The following WIZ variants were observed in gnomAD, a reference collection of about 807,000 sequenced individuals.
WIZ encodes WIZ zinc finger.
A neutral mutation model predicts 140.2 loss-of-function variants in WIZ; 25 were observed. That is an observed-to-expected ratio of 0.18 (90% CI 0.13 to 0.25). The LOEUF (loss-of-function observed/expected upper bound fraction) is 0.25. WIZ is among the 10% of genes least tolerant of loss of function. The pLI is 1.00. For missense variants in WIZ, 2,231 were observed against 2,632.6 expected, an observed-to-expected ratio of 0.85 and a Z score of 3.34; for synonymous variants, 1,125 against 1,154.3, an observed-to-expected ratio of 0.97 and a Z score of 0.51.
intron 1 of WIZ, among the ~76,000 whole-genome samples, chr19:15,449,308 TC>T (rs938921710): frequency 4.0e-5 from 6 of 151,442 alleles, no homozygotes; most frequent in African/African-American, 1.5e-4. Flanking sequence ...GCCTGGGGAT[TC>T]CCAGGGGGCT....
intron 2 of WIZ, among the ~76,000 whole-genome samples, chr19:15,443,404 G>A (rs1047522564): frequency 1.3e-5 from 2 of 152,098 alleles, no homozygotes; most frequent in East Asian, 3.9e-4. Context: ...CACCTACAAG[G>A]CCCTATGAGG....
At chr19:15,437,833 G>T (rs991107507) in intron 4 of WIZ, among the ~76,000 whole-genome samples, 1 of 152,066 alleles carries the variant, frequency 6.6e-6, no homozygotes, top group Non-Finnish European at 1.5e-5. Context: ...CCCTCTGCTG[G>T]GAGCCTTCTC....
intron 12 of WIZ, among the ~76,000 whole-genome samples, chr19:15,423,584 C>G (rs979251621): frequency 6.6e-6 from 1 of 152,066 alleles, no homozygotes; most frequent in South Asian, 2.1e-4. Flanking sequence ...CCAAGCCCCC[C>G]ACCTCCTCCT....
Position 15,427,100 on chromosome 19 carries a change from A to C in WIZ, c.4248T>G (p.Pro1416=). 1 of 1,614,184 alleles carries C rather than the reference A, an allele frequency of 6.2e-7. No individual in the cohort carries two copies. Among genetic ancestry groups the C allele is most frequent in the Non-Finnish European group, 8.5e-7 (1 of 1,180,024 alleles). The change falls in exon 9 of 13, where the codon CCT becomes CCG. Residue 1416 remains proline (P), a synonymous_variant. Transcript: ENST00000673675. This position sits in a 1 kb window ranked among gnomAD's most constrained non-coding sequence, Gnocchi z 6.4. The part of the protein sequence containing the change: ...AAPSLPKKLK[P]EQIRVEIKRE... Reference sequence around the variant, plus strand: ...GCTTGATCTCCACCCGTATTTGTTCAGGCTTCAGCTTCTTGGGCAAGGAGG... The same window carrying C: ...GCTTGATCTCCACCCGTATTTGTTCCGGCTTCAGCTTCTTGGGCAAGGAGG...
chr19:15,448,775 C>T (rs958686905), intron 1 of WIZ, among the ~76,000 whole-genome samples: 1 of 152,134 alleles, frequency 6.6e-6, no homozygotes. Context: ...TTCGTTTCCT[C>T]GGCAAGAATC....
Position 15,429,644 on chromosome 19 carries a change from C to T in WIZ, c.3357G>A (p.Arg1119=). The T allele has an allele frequency of 7.0e-7, 1 of 1,419,552 alleles. No homozygotes were observed. The highest frequency in any genetic ancestry group is 1.5e-5 in the South Asian group (1 of 64,792). 87.9% of individuals were successfully genotyped at this position (1,419,552 alleles called of 1,614,324 possible). The stretch of plus-strand genomic sequence containing the variant: ...GCCACTGTGCCTTTGGGGAGGCCGG[C>T]CGGGGGCTCAGGGACAGCTGGGGGC... ...DKSPQLSLSP[R]PASPKAQWPQ... The change falls in exon 7 of 13, where the codon CGG becomes CGA. Residue 1119 remains arginine, a synonymous_variant. Transcript: ENST00000673675.
At chr19:15,449,482 G>C (rs1425483589) in intron 1 of WIZ, 2 of 152,404 alleles carry the variant, frequency 1.3e-5, no homozygotes, top group African/African-American at 4.8e-5. Flanking sequence ...CGCCCCCCAG[G>C]GGTCGCAGAG....
At chr19:15,444,322 A>G (rs1969844494) in intron 2 of WIZ, among the ~76,000 whole-genome samples, 1 of 152,082 alleles carries the variant, frequency 6.6e-6, no homozygotes, top group African/African-American at 2.4e-5. Flanking sequence ...GAACCCAAGA[A>G]AAGGGTTGTG....
rs779118906 is a variant in WIZ, at chr19:15,425,563, C to G, written c.4572G>C (p.Pro1524=). 1 of 1,613,032 alleles carries G rather than the reference C, an allele frequency of 6.2e-7. No homozygotes were observed. The highest frequency in any genetic ancestry group is 8.5e-7 in the Non-Finnish European group (1 of 1,179,658). The change falls in exon 10 of 13, where the codon CCG becomes CCC. Residue 1524 remains proline, a synonymous_variant. Transcript: ENST00000673675. ...CCAGGGCAGGGGCCAGGTCTCCAGC[C>G]GGTGGCTCCTTCTTGATGAGGCACG... ...SKPCLIKKEP[P]AGDLAPALAE... is the part of the protein sequence containing the mutation.
At chr19:15,429,155 TTGA>T (rs1351198769) in intron 7 of WIZ, among the ~76,000 whole-genome samples, 1 of 152,114 alleles carries the variant, frequency 6.6e-6, no homozygotes, top group Non-Finnish European at 1.5e-5. Flanking sequence ...CCAGGAAGAC[TTGA>T]TGACAGGACC....
rs114874784 is a variant in WIZ, at chr19:15,426,649, G to C, written c.4366+333C>G. Among the ~76,000 whole-genome samples, 188 of 152,334 alleles carry C rather than the reference G, an allele frequency of 1.2e-3. 1 individual carries two copies. Among genetic ancestry groups the C allele is most frequent in the African/African-American group, 4.4e-3 (181 of 41,572 alleles). On this transcript the variant is annotated intron_variant, in intron 9 of 12. Transcript: ENST00000673675. ...GTTCACTGCCAGTCCCTACGCTCCTGCTGTAGCAGACATCACTAATGGATC... is the reference window on the plus strand; with the variant it reads ...GTTCACTGCCAGTCCCTACGCTCCTCCTGTAGCAGACATCACTAATGGATC...
At chr19:15,446,665 C>G (rs554099865) in intron 2 of WIZ, among the ~76,000 whole-genome samples, 1 of 152,194 alleles carries the variant, frequency 6.6e-6, no homozygotes, top group Admixed American at 6.5e-5. Flanking sequence ...CTCATCCTAC[C>G]TCTCACTTCC....
At chr19:15,448,480 C>T in intron 1 of WIZ, 113 bp from the exon 2 acceptor site, 1 of 790,236 alleles carries the variant, frequency 1.3e-6, no homozygotes, top group South Asian at 1.6e-5. Context: ...CTCAGTTTAC[C>T]TCCCAGCCCA....
At chr19:15,438,171 G>T (rs1480038147) in intron 4 of WIZ, among the ~76,000 whole-genome samples, 1 of 152,216 alleles carries the variant, frequency 6.6e-6, no homozygotes, top group East Asian at 1.9e-4. Context: ...GCCCCAGGGG[G>T]TTCTGAAGCT....
chr19:15,424,447 A>G lies in WIZ; in HGVS notation c.5315-69T>C, dbSNP rs1968585162. 6.4e-7 allele frequency: 1 copy of G among 1,557,302 alleles called. No homozygotes were observed. Among genetic ancestry groups the G allele is most frequent in the Non-Finnish European group, 8.7e-7 (1 of 1,151,072 alleles). ...GCTGCAGAGACTTGGAATACACAAG[A>G]GCTGAGGACTGATGCTACCTGGATG... On this transcript the variant is annotated intron_variant, in intron 11 of 12. Coordinates refer to ENST00000673675, the MANE Select transcript of WIZ (RefSeq NM_001371589.1). The surrounding 1 kb of genome is among the most constrained non-coding windows in gnomAD (Gnocchi z 9.7).
At position 15,440,577 on chromosome 19, in the gene WIZ, A is replaced by G. The variant is rs1568312187; in HGVS notation, c.417T>C (p.Ser139=). Residue 139 remains serine (S), a synonymous_variant, in exon 4 of 13, where the codon TCT becomes TCC. Transcript: ENST00000673675. This position sits in a 1 kb window ranked among gnomAD's most constrained non-coding sequence, Gnocchi z 6.2. ...LVQEAGEGIL[S]ERRFEDSVIV... ...TGACTGAGTCCTCGAATCTCCGCTC[A>G]GATAGGATGCCCTCCCCAGCCTCCT... 6.5e-7 allele frequency: 1 copy of G among 1,536,160 alleles called. No individual in the cohort carries two copies. The highest frequency in any genetic ancestry group is 8.7e-7 in the Non-Finnish European group (1 of 1,146,886).
Position 15,440,406 on chromosome 19 carries a change from G to C in WIZ, c.588C>G (p.Pro196=), listed in dbSNP as rs796888193. Residue 196 remains proline, a synonymous_variant, in exon 4 of 13, where the codon CCC becomes CCG. Transcript: ENST00000673675. This position sits in a 1 kb window ranked among gnomAD's most constrained non-coding sequence, Gnocchi z 6.2. ...GGTCCAAGTGCAGCCCTGCGTCCTG[G>C]GGGGATCCCTGCTCGTCCTCATCTT... ...WLQDEDEQGS[P]QDAGLHLDLP... 56 of 1,535,794 alleles carry C rather than the reference G, an allele frequency of 3.6e-5. No individual in the cohort carries two copies. In the African/African-American group the frequency reaches 7.0e-4, roughly 19 times the overall value.
Position 15,428,589 on chromosome 19 carries a change from G to C in WIZ, c.3416-81C>G. ...GGCCTGAGGTAGGAGGGTCTGGTGT[G>C]ATTTTTGGCTGCTCAGGCAGTTGGG... On this transcript the variant is annotated intron_variant, in intron 7 of 12. Coordinates refer to ENST00000673675, the MANE Select transcript of WIZ (RefSeq NM_001371589.1). This position sits in a 1 kb window ranked among gnomAD's most constrained non-coding sequence, Gnocchi z 6.4. 6.6e-7 allele frequency: 1 copy of C among 1,516,056 alleles called. No homozygotes were observed. The allele number at this position is 1,516,056 out of a possible 1,614,324, so 93.9% of individuals were successfully genotyped here. A position where few individuals can be genotyped will look rare whatever the true frequency, so the allele number is the denominator to read the frequency against.
chr19:15,433,640 TG>T (rs1969401416), intron 5 of WIZ, among the ~76,000 whole-genome samples: 1 of 152,214 alleles, frequency 6.6e-6, no homozygotes. Context: ...CAGTGCCTCC[TG>T]CACCCCTAGC....
Sources: allele counts gnomAD v4.1 joint callset (sites outside exome capture counted in the v4.1 genomes callset), GRCh38; gene constraint gnomAD v4.1.1; non-coding constraint Gnocchi (gnomAD v3.1); transcripts MANE v1.5; gene names NCBI Gene and HGNC (gene_info 2026-07-23, HGNC 2026-07-21).